The following DGKG variants were observed in gnomAD, a reference collection of about 807,000 sequenced individuals.
The protein encoded by DGKG is diacylglycerol kinase gamma.
A neutral mutation model predicts 105.3 loss-of-function variants in DGKG; 78 were observed. The observed-to-expected ratio is 0.74, with a 90% CI of 0.62 to 0.89. DGKG has a LOEUF of 0.89. Ranked by LOEUF, DGKG falls within the 40% of genes least tolerant of loss-of-function variation. The probability of loss-of-function intolerance (pLI) is 0.00; values close to 1 mark genes in which losing one functional copy is unlikely to be tolerated. For synonymous variants in DGKG, 346 were observed against 367.1 expected (o/e 0.94, Z 0.66); for missense variants, 958 against 1,020.1 (o/e 0.94, Z 0.83).
chr3:186,260,967 CG>C (rs1560120661), intron 15 of DGKG, among the ~76,000 whole-genome samples: 1 of 152,100 alleles, frequency 6.6e-6, no homozygotes, highest in African/African-American at 2.4e-5. Context: ...CAGGAGGAAA[CG>C]CAGGAGGTGG....
rs771767962 is a variant in DGKG at position 186,290,772 on chromosome 3, C to T, written c.374-1892G>A. ...GGAGGGTATGCACAGAGAGCTAGCTCTGAATGTGTGTAGAAGGTCCCCTTT... is the reference window on the plus strand; with the variant it reads ...GGAGGGTATGCACAGAGAGCTAGCTTTGAATGTGTGTAGAAGGTCCCCTTT... On this transcript the variant is annotated intron_variant, in intron 5 of 24. Coordinates refer to ENST00000265022, the MANE Select transcript of DGKG (RefSeq NM_001346.3). Among the ~76,000 whole-genome samples, 59 of 152,162 alleles carry T rather than the reference C, an allele frequency of 3.9e-4. 2 individuals are homozygous for T. Among genetic ancestry groups the T allele is most frequent in the Non-Finnish European group, 1.5e-4 (10 of 68,034 alleles).
intron 20 of DGKG, among the ~76,000 whole-genome samples, chr3:186,236,014 G>A (rs1720402869): frequency 6.6e-6 from 1 of 152,162 alleles, no homozygotes; most frequent in Admixed American, 6.5e-5. Context: ...CCTTGATCCT[G>A]CTAGCCTGGA....
chr3:186,336,895 T>TA (rs1725856193), intron 1 of DGKG, among the ~76,000 whole-genome samples: 1 of 152,134 alleles, frequency 6.6e-6, no homozygotes, highest in African/African-American at 2.4e-5. Context: ...AGAACCTAGA[T>TA]AAAATGGGAA....
At chr3:186,316,265 A>C (rs1359392453) in intron 2 of DGKG, among the ~76,000 whole-genome samples, 1 of 152,234 alleles carries the variant, frequency 6.6e-6, no homozygotes, top group African/African-American at 2.4e-5. Context: ...ACAAGTTTTG[A>C]AGTTGTTTTG....
rs889420577 is a variant in DGKG, at chr3:186,269,070, C to T, written c.1000-153G>A. On this transcript the variant is annotated intron_variant, in intron 11 of 24. Coordinates refer to ENST00000265022, the MANE Select transcript of DGKG (RefSeq NM_001346.3). ...GCTTATTGGATGTTGGGTGGCTTGC[C>T]TAATGGCACGATGTGGTTCCTCCCT... Among the ~76,000 whole-genome samples the T allele has an allele frequency of 6.1e-4, 93 of 152,200 alleles. 1 individual carries two copies. Among genetic ancestry groups the T allele is most frequent in the Non-Finnish European group, 3.5e-4 (24 of 68,040 alleles).
At chr3:186,230,689 C>T (rs914372710) in intron 20 of DGKG, among the ~76,000 whole-genome samples, 2 of 152,022 alleles carry the variant, frequency 1.3e-5, no homozygotes, top group Non-Finnish European at 2.9e-5. Context: ...CGAGATGGGC[C>T]AGAGGGTGGC....
rs181148304 is a variant in DGKG, at chr3:186,278,638, T to A, written c.792+1213A>T. On this transcript the variant is annotated intron_variant, in intron 9 of 24. Coordinates refer to ENST00000265022, the MANE Select transcript of DGKG (RefSeq NM_001346.3). ...TGGTTCCTTGATTTCTCCTTAGAGC[T>A]TGGAAAGCACTGGACATGCTATGAA... Among the ~76,000 whole-genome samples the A allele has an allele frequency of 5.9e-5, 9 of 152,316 alleles. No homozygotes were observed. In the East Asian group the frequency reaches 1.5e-3, roughly 26 times the overall value.
rs55753193 is a variant in DGKG at position 186,223,011 on chromosome 3, C to CTATATATATATATATATATATA, written c.1827-11148_1827-11127dup. On this transcript the variant is annotated intron_variant, in intron 20 of 24. Coordinates refer to ENST00000265022, the MANE Select transcript of DGKG (RefSeq NM_001346.3). ...AAGAATACACACACGTGTATGTATA[C>CTATATATATATATATATATATA]TATATATATATATATATATATATGT... Among the ~76,000 whole-genome samples, 404 of 80,416 alleles carry CTATATATATATATATATATATA rather than the reference C, an allele frequency of 5.0e-3. 19 individuals carry two copies. The highest frequency in any genetic ancestry group is 0.01 in the East Asian group (10 of 960). The allele number at this position is 80,416 out of a possible 152,430, so 52.8% of individuals were successfully genotyped here. A position where few individuals can be genotyped will look rare whatever the true frequency, so the allele number is the denominator to read the frequency against.
At chr3:186,262,024 T>A in intron 14 of DGKG, 1 of 417,506 alleles carries the variant, frequency 2.4e-6, no homozygotes, top group Non-Finnish European at 4.4e-6. Flanking sequence ...ACAATGATGC[T>A]GTAGCTTCAA....
In DGKG at chr3:186,361,457, T is replaced by C. The variant is rs1727224425; in HGVS notation, c.-249+489A>G. Among the ~76,000 whole-genome samples the C allele has an allele frequency of 6.6e-6, 1 of 152,086 alleles. No homozygotes were observed. The highest frequency in any genetic ancestry group is 2.1e-4 in the South Asian group (1 of 4,830). On this transcript the variant is annotated intron_variant, in intron 1 of 24. Coordinates refer to ENST00000265022, the MANE Select transcript of DGKG (RefSeq NM_001346.3). This position sits in a 1 kb window ranked among gnomAD's most constrained non-coding sequence, Gnocchi z 6.8. ...GTGTTCGCTTCAGCTTCCCTTTAAG[T>C]CGCCCTGCGCAGGGGCTTTGTGGAG...
At chr3:186,330,359 G>A (rs551073514) in intron 1 of DGKG, among the ~76,000 whole-genome samples, 1 of 152,146 alleles carries the variant, frequency 6.6e-6, no homozygotes, top group Admixed American at 6.5e-5. Context: ...TGTCACTATT[G>A]TGGTCGTCAT....
At chr3:186,253,203 C>G in intron 17 of DGKG, 21 bp from the exon 18 acceptor site, 1 of 1,596,732 alleles carries the variant, frequency 6.3e-7, no homozygotes. Flanking sequence ...CACAGAGGAA[C>G]AGAGAACCAT....
Position 186,260,452 on chromosome 3 carries a change from C to T in DGKG, c.1411G>A (p.Gly471Arg). ...PKQVFNLDNG[G>R]PTPGLNFFRD... The stretch of plus-strand genomic sequence containing the variant: ...TGATCTCCATACCCTGGAGTAGGCC[C>T]CCCATTGTCCAGGTTGAAAACTTGT... The change falls in exon 16 of 25, where the codon GGG becomes AGG. Residue 471 changes from glycine (G) to arginine (R), a missense_variant. Physicochemically the swap from Gly to Arg is moderately radical, Grantham distance 125 (BLOSUM62 -2). This residue lies in a region of DGKG where 643 missense variants were observed against 619.5 expected (regional missense o/e 1.04). Transcript: ENST00000265022. 1.9e-6 allele frequency: 3 copies of T among 1,611,886 alleles called. No homozygotes were observed. The highest frequency in any genetic ancestry group is 2.5e-6 in the Non-Finnish European group (3 of 1,177,978).
chr3:186,344,418 A>C (rs989742717), intron 1 of DGKG, among the ~76,000 whole-genome samples: 2 of 152,374 alleles, frequency 1.3e-5, no homozygotes, highest in East Asian at 3.8e-4. Context: ...AAAGAACGCG[A>C]TATGTCTTTT....
At chr3:186,221,125 A>G (rs1238149832) in intron 20 of DGKG, among the ~76,000 whole-genome samples, 1 of 152,158 alleles carries the variant, frequency 6.6e-6, no homozygotes, top group Non-Finnish European at 1.5e-5. Flanking sequence ...GAGGCCAGAG[A>G]GTCTCTCCAA....
chr3:186,185,070 G>A (rs1015501747), intron 22 of DGKG, among the ~76,000 whole-genome samples: 34 of 152,162 alleles, frequency 2.2e-4, no homozygotes, highest in African/African-American at 8.2e-4. Context: ...GACCCAAGAA[G>A]GGGAAAGGAC....
chr3:186,241,032 C>A (rs1464663798), intron 20 of DGKG, among the ~76,000 whole-genome samples: 1 of 152,098 alleles, frequency 6.6e-6, no homozygotes, highest in East Asian at 1.9e-4. Context: ...TGTGTGAGAG[C>A]AAGAAGATGC....
In DGKG at chr3:186,227,631, G is replaced by A. The variant is rs149175999; in HGVS notation, c.1826+14873C>T. Among the ~76,000 whole-genome samples, 189 of 152,284 alleles carry A rather than the reference G, an allele frequency of 1.2e-3. 1 individual carries two copies. Among genetic ancestry groups the A allele is most frequent in the African/African-American group, 4.4e-3 (182 of 41,558 alleles). ...GCGTTTCCTGATAAGTACAGTGAAA[G>A]CTTGCTTTTGAAATTTCCTTTGGCC... On this transcript the variant is annotated intron_variant, in intron 20 of 24. Transcript: ENST00000265022.
At chr3:186,235,759 T>C (rs911539807) in intron 20 of DGKG, among the ~76,000 whole-genome samples, 1 of 152,154 alleles carries the variant, frequency 6.6e-6, no homozygotes, top group African/African-American at 2.4e-5. Flanking sequence ...TCTGTCTTTA[T>C]CTGAGGTCAG....
Sources: gnomAD v4.1 joint callset for allele counts (sites outside exome capture counted in the v4.1 genomes callset) on GRCh38, gnomAD v4.1.1 for gene constraint, gnomAD v4.1.1 regional missense constraint, Gnocchi (gnomAD v3.1) non-coding constraint, MANE v1.5 for transcripts, NCBI Gene and HGNC (gene_info 2026-07-23, HGNC 2026-07-21) for gene names.